Variants in SUCO observed in about 807,000 individuals in gnomAD.
SUCO encodes the protein SUN domain containing ossification factor.
SUCO carries 57 observed loss-of-function variants against 148.1 expected under a neutral mutation model. The ratio of observed to expected loss-of-function variants is 0.38; its 90% CI spans 0.31 to 0.48. The LOEUF (loss-of-function observed/expected upper bound fraction) is 0.48, where lower values mean the gene tolerates loss of function less well. Ranked by LOEUF, SUCO falls within the 20% of genes least tolerant of loss-of-function variation. SUCO has a pLI of 0.96. For missense variants in SUCO, 1,331 were observed against 1,468.2 expected, an observed-to-expected ratio of 0.91 and a Z score of 1.53; for synonymous variants, 470 against 502.7, an observed-to-expected ratio of 0.93 and a Z score of 0.87.
chr1:172,570,052 TCGATGCATG>T lies in SUCO; in HGVS notation c.864_872del (p.Met289_Ala291del), dbSNP rs756434070. On this transcript the variant is annotated inframe_deletion, in exon 8 of 24. Transcript: ENST00000263688. ...TAATAACGGTTTGTCTGCAGGTCAG[TCGATGCATG>T]CATCTTCTAATGGAGGTTCACATGC... 4 of 1,528,862 alleles carry T rather than the reference TCGATGCATG, an allele frequency of 2.6e-6. No homozygotes were observed. Among genetic ancestry groups the T allele is most frequent in the Admixed American group, 1.8e-5 (1 of 54,360 alleles). 94.7% of individuals were successfully genotyped at this position (1,528,862 alleles called of 1,614,324 possible).
At chr1:172,580,198 T>G (rs1344472568) in intron 15 of SUCO, among the ~76,000 whole-genome samples, 1 of 151,952 alleles carries the variant, frequency 6.6e-6, no homozygotes, top group Non-Finnish European at 1.5e-5. Context: ...CTTCCTGCCT[T>G]CCTTGCCTTC....
At chr1:172,544,184 A>G (rs1414918308) in intron 1 of SUCO, 5 of 952,808 alleles carry the variant, frequency 5.2e-6, no homozygotes, top group Non-Finnish European at 5.0e-6. Flanking sequence ...ATTTCTGTAC[A>G]AGGGATTAAC....
chr1:172,571,346 C>G (rs1571230128), intron 9 of SUCO, among the ~76,000 whole-genome samples: 1 of 152,348 alleles, frequency 6.6e-6, no homozygotes, highest in Non-Finnish European at 1.5e-5. Context: ...CAGACGGAGT[C>G]TGGTTCACTC....
Position 172,589,523 on chromosome 1 carries a change from AAAG to A in SUCO, c.2427_2429del (p.Glu809del). On this transcript the variant is annotated inframe_deletion, in exon 18 of 24. Coordinates refer to ENST00000263688, the MANE Select transcript of SUCO (RefSeq NM_014283.5). ...TAATGAGTTAATGGATAATATTATA[AAAG>A]AAGATGTGAACTCCATGCAAATTTT... 1 of 1,613,360 alleles carries A rather than the reference AAAG, an allele frequency of 6.2e-7. No individual in the cohort carries two copies. The highest frequency in any genetic ancestry group is 1.7e-5 in the Admixed American group (1 of 59,796).
intron 19 of SUCO, among the ~76,000 whole-genome samples, chr1:172,594,440 C>T (rs184805176): frequency 6.6e-6 from 1 of 152,274 alleles, no homozygotes; most frequent in East Asian, 1.9e-4. Context: ...TCCCTGTACA[C>T]ACTGCTTTAA....
chr1:172,594,042 G>C (rs2149264282), intron 19 of SUCO, among the ~76,000 whole-genome samples: 1 of 152,242 alleles, frequency 6.6e-6, no homozygotes, highest in Middle Eastern at 3.4e-3. Flanking sequence ...ATTTCTTCTG[G>C]ATTTTCTAGT....
At chr1:172,585,621 A>G (rs768265266) in intron 16 of SUCO, among the ~76,000 whole-genome samples, 3 of 152,200 alleles carry the variant, frequency 2.0e-5, no homozygotes, top group Admixed American at 1.3e-4. Flanking sequence ...AGGTTACACA[A>G]CATTCATAGT....
rs764456207 is a variant in SUCO, at chr1:172,600,179, T to C, written c.3018+11T>C. 3.2e-6 allele frequency: 5 copies of C among 1,576,146 alleles called. No homozygotes were observed. Among genetic ancestry groups the C allele is most frequent in the Admixed American group, 1.7e-5 (1 of 57,876 alleles). On this transcript the variant is annotated intron_variant, in intron 20 of 23. Transcript: ENST00000263688. ...GAATTGAAACGGGAGGTAATTGTTA[T>C]TGCTGGTATTGCGAGACCCAATGCA...
At chr1:172,553,537 A>C (rs576634028) in intron 3 of SUCO, among the ~76,000 whole-genome samples, 167 bp downstream of exon 3, 1 of 152,266 alleles carries the variant, frequency 6.6e-6, no homozygotes, top group South Asian at 2.1e-4. Flanking sequence ...ACTTTTGAGA[A>C]CATGTAAAAT....
In SUCO at chr1:172,570,687, A is replaced by G; in HGVS notation, c.1006A>G (p.Asn336Asp). ...AKSTSAILIE[N>D]MDLYMLNPCS... ...GAGCACATCTGCTATTCTTATAGAA[A>G]ATATGGATCTTTACATGTTGAATCC... Residue 336 changes from asparagine to aspartate, a missense_variant, in exon 9 of 24, where the codon AAT becomes GAT. Transcript: ENST00000263688. The G allele has an allele frequency of 6.2e-7, 1 of 1,607,262 alleles. No individual in the cohort carries two copies. The highest frequency in any genetic ancestry group is 8.5e-7 in the Non-Finnish European group (1 of 1,174,698).
Position 172,610,271 on chromosome 1 carries a change from C to T in SUCO, c.*12C>T. The T allele has an allele frequency of 6.4e-7, 1 of 1,560,260 alleles. No homozygotes were observed. The highest frequency in any genetic ancestry group is 8.6e-7 in the Non-Finnish European group (1 of 1,158,040). On this transcript the variant is annotated 3_prime_UTR_variant, in exon 24 of 24. Transcript: ENST00000263688. ...CGGGACATATCTAAAATTAATTGAA[C>T]TTTTCATACAGAAGACTTTTTTGTT...
upstream of SUCO, chr1:172,532,972 C>G (rs995465897): frequency 2.2e-6 from 3 of 1,372,502 alleles, no homozygotes; most frequent in African/African-American, 1.5e-5. Context: ...GGGGGCGTGG[C>G]CTGCGCAGAG....
intron 1 of SUCO, 132 bp downstream of exon 1, chr1:172,533,629 A>T: frequency 8.6e-7 from 1 of 1,157,326 alleles, no homozygotes; most frequent in Non-Finnish European, 1.2e-6. Context: ...GGACAAACCG[A>T]TTACTTCTCG....
intron 15 of SUCO, chr1:172,584,501 G>A (rs542555416): frequency 2.3e-5 from 5 of 214,512 alleles, no homozygotes; most frequent in Admixed American, 6.5e-5. Context: ...GGCCAGGCGC[G>A]GTGGCTAACA....
chr1:172,588,916 A>G lies in SUCO; in HGVS notation c.1815A>G (p.Ser605=), dbSNP rs1301440730. ...GCAGCGGTGAACAGGAAGATGAATC[A>G]TCACCCTGGTTTGAGTCAGAGACAC... is the stretch of plus-strand genomic sequence containing the variant. The part of the protein sequence containing the change: ...LLGSGEQEDE[S]SPWFESETQI... Residue 605 remains serine (S), a synonymous_variant, in exon 18 of 24, where the codon TCA becomes TCG. Transcript: ENST00000263688. 1.9e-6 allele frequency: 3 copies of G among 1,613,012 alleles called. No homozygotes were observed. Among genetic ancestry groups the G allele is most frequent in the Non-Finnish European group, 2.5e-6 (3 of 1,179,542 alleles).
At chr1:172,571,519 C>T (rs1654984666) in intron 9 of SUCO, among the ~76,000 whole-genome samples, 2 of 150,278 alleles carry the variant, frequency 1.3e-5, no homozygotes, top group South Asian at 2.1e-4. Flanking sequence ...CCTGGCCGCC[C>T]ATCGTCTGGG....
intron 15 of SUCO, among the ~76,000 whole-genome samples, chr1:172,580,192 CTGCCTTCCT>C (rs375294521): frequency 6.4e-4 from 98 of 152,106 alleles, no homozygotes; most frequent in African/African-American, 2.0e-3. Flanking sequence ...CTTTCTCTTC[CTGCCTTCCT>C]TGCCTTCCTT....
intron 8 of SUCO, 61 bp downstream of exon 8, chr1:172,570,232 GTTAT>G (rs896180156): frequency 6.9e-6 from 7 of 1,021,652 alleles, no homozygotes; most frequent in Non-Finnish European, 9.7e-6. Context: ...TAAAATACAG[GTTAT>G]TTGTTTACTG....
At position 172,591,177 on chromosome 1, in the gene SUCO, T is replaced by G. The variant is rs903504293; in HGVS notation, c.2913+106T>G. The G allele has an allele frequency of 3.2e-5, 25 of 784,486 alleles. No individual in the cohort carries two copies. The Admixed American group carries it at 5.3e-4, about 17-fold the overall frequency. 48.6% of individuals were successfully genotyped at this position (784,486 alleles called of 1,614,324 possible). On this transcript the variant is annotated intron_variant, in intron 19 of 23. Transcript: ENST00000263688. ...TTGTAGTTTCACTTTTTCCCCCTGC[T>G]AGCTGGTGTTTAAGCCTGTTATATT...
Sources: gnomAD v4.1 joint callset for allele counts (sites outside exome capture counted in the v4.1 genomes callset) on GRCh38, gnomAD v4.1.1 for gene constraint, MANE v1.5 for transcripts, NCBI Gene and HGNC (gene_info 2026-07-23, HGNC 2026-07-21) for gene names.